SPINT2: variants seen among roughly 807,000 people sequenced by gnomAD.
SPINT2 encodes kunitz-type protease inhibitor 2.
In SPINT2, 18 loss-of-function variants were observed where a neutral mutation model predicts 30.1. The observed-to-expected ratio is 0.60, with a 90% CI of 0.41 to 0.89. The LOEUF (loss-of-function observed/expected upper bound fraction) is 0.89. Among genes scored for constraint, SPINT2 ranks in the 40% least tolerant of loss-of-function variants. The probability of loss-of-function intolerance (pLI) is 0.00; values close to 1 mark genes in which losing one functional copy is unlikely to be tolerated. For synonymous variants in SPINT2, 139 were observed against 137.9 expected, an observed-to-expected ratio of 1.01 and a Z score of -0.05; for missense variants, 276 against 334.3, an observed-to-expected ratio of 0.83 and a Z score of 1.36.
rs1452885367 is a variant in SPINT2 at position 38,283,619 on chromosome 19, C to T, written c.107-8C>T. On this transcript the variant is annotated splice_polypyrimidine_tract_variant and splice_region_variant and intron_variant, in intron 1 of 6. Transcript: ENST00000301244. ...GCCAAGCTAACCGGGTTGTGCTTCG[C>T]GTTTCAGACTTCTGCCTGGTGTCGA... 11 of 1,613,834 alleles carry T rather than the reference C, an allele frequency of 6.8e-6. No individual in the cohort carries two copies. Among genetic ancestry groups the T allele is most frequent in the South Asian group, 2.2e-5 (2 of 91,080 alleles).
At chr19:38,283,471 G>A (rs556129746) in intron 1 of SPINT2, among the ~76,000 whole-genome samples, 156 bp from the exon 2 acceptor site, 20 of 152,284 alleles carry the variant, frequency 1.3e-4, no homozygotes, top group Middle Eastern at 3.4e-3. Context: ...GCACTGAGTG[G>A]GCCTGTTGAC....
intron 4 of SPINT2, chr19:38,289,501 A>AC (rs1210007910): frequency 1.2e-4 from 29 of 239,640 alleles, no homozygotes; most frequent in African/African-American, 6.7e-4. Context: ...AAAAAAAAAA[A>AC]AAAAAAAAAA....
At chr19:38,289,383 C>T (rs896092222) in intron 4 of SPINT2, 192 bp downstream of exon 4, 1 of 463,838 alleles carries the variant, frequency 2.2e-6, no homozygotes, top group Admixed American at 2.8e-5. Flanking sequence ...ACTCAGGAGA[C>T]TGAGGCAGGA....
At chr19:38,285,827 G>T (rs1968634392) in intron 2 of SPINT2, among the ~76,000 whole-genome samples, 1 of 152,098 alleles carries the variant, frequency 6.6e-6, no homozygotes, top group South Asian at 2.1e-4. Context: ...AGGAGGACTT[G>T]GGAGAACTAT....
chr19:38,286,430 G>A (rs952495699), intron 2 of SPINT2, among the ~76,000 whole-genome samples: 3 of 152,202 alleles, frequency 2.0e-5, no homozygotes, highest in African/African-American at 7.2e-5. Flanking sequence ...CCGAGGATGC[G>A]GAGGAGCCAG....
chr19:38,276,535 G>C (rs541160081), intron 1 of SPINT2, among the ~76,000 whole-genome samples: 3 of 151,928 alleles, frequency 2.0e-5, no homozygotes, highest in Non-Finnish European at 4.4e-5. Context: ...CCAGCTACTC[G>C]GGAGGCTGAG....
intron 1 of SPINT2, among the ~76,000 whole-genome samples, chr19:38,280,968 C>T (rs1968574514): frequency 6.6e-6 from 1 of 152,198 alleles, no homozygotes; most frequent in South Asian, 2.1e-4. Context: ...CTCACTGTGG[C>T]AGGGCGGCGG....
intron 2 of SPINT2, among the ~76,000 whole-genome samples, chr19:38,286,393 G>C (rs913939607): frequency 6.6e-6 from 1 of 152,220 alleles, no homozygotes; most frequent in Non-Finnish European, 1.5e-5. Context: ...CAAGGTGACC[G>C]TTTAATAGCA....
At chr19:38,281,267 A>T (rs996152884) in intron 1 of SPINT2, among the ~76,000 whole-genome samples, 3 of 151,320 alleles carry the variant, frequency 2.0e-5, no homozygotes, top group African/African-American at 4.9e-5. Flanking sequence ...GCCCCTATTT[A>T]AAAAAAAAAT....
rs1968356830 is a variant in SPINT2 at position 38,264,826 on chromosome 19, T to A, written c.-67T>A. ...CCATTGCGCGTGCGCGTTGAGGGGC[T>A]TCCCGCACCTGATCGCGAGACCCCA... On this transcript the variant is annotated 5_prime_UTR_variant, in exon 1 of 7. Transcript: ENST00000301244. 6.7e-7 allele frequency: 1 copy of A among 1,484,740 alleles called. No homozygotes were observed. Among genetic ancestry groups the A allele is most frequent in the Non-Finnish European group, 9.1e-7 (1 of 1,104,576 alleles). The allele number at this position is 1,484,740 out of a possible 1,614,324, so 92.0% of individuals were successfully genotyped here.
At chr19:38,269,628 A>T (rs1470321872) in intron 1 of SPINT2, among the ~76,000 whole-genome samples, 16 of 79,040 alleles carry the variant, frequency 2.0e-4, no homozygotes, top group Admixed American at 6.4e-4. Flanking sequence ...TTTTTTTTTG[A>T]GACGGAGTGT....
intron 1 of SPINT2, among the ~76,000 whole-genome samples, chr19:38,282,069 A>C (rs146048661): frequency 1.3e-5 from 2 of 152,096 alleles, no homozygotes; most frequent in African/African-American, 4.8e-5. Context: ...CCTGTGATCT[A>C]TTGTGTGGGT....
At chr19:38,265,620 G>A (rs1040995721) in intron 1 of SPINT2, 4 of 152,384 alleles carry the variant, frequency 2.6e-5, no homozygotes, top group Admixed American at 6.5e-5. Flanking sequence ...TCTTTGGATT[G>A]GCCCTTAGAA....
intron 2 of SPINT2, 95 bp from the exon 3 acceptor site, chr19:38,287,781 T>C (rs1968660121): frequency 7.6e-7 from 1 of 1,320,260 alleles, no homozygotes; most frequent in South Asian, 1.2e-5. Context: ...GAGAAGTGGA[T>C]GCTGTGGTGA....
At chr19:38,275,908 G>A (rs1043731413) in intron 1 of SPINT2, among the ~76,000 whole-genome samples, 2 of 150,156 alleles carry the variant, frequency 1.3e-5, no homozygotes, top group African/African-American at 4.9e-5. Flanking sequence ...TGTATTTTTA[G>A]TACAGACGGG....
At chr19:38,269,243 G>A (rs563694328) in intron 1 of SPINT2, among the ~76,000 whole-genome samples, 5 of 151,398 alleles carry the variant, frequency 3.3e-5, no homozygotes, top group Middle Eastern at 3.4e-3. Context: ...GACTACAGGC[G>A]CCCGCCACCA....
At chr19:38,265,829 C>T (rs756517514) in intron 1 of SPINT2, among the ~76,000 whole-genome samples, 2 of 152,192 alleles carry the variant, frequency 1.3e-5, no homozygotes, top group Non-Finnish European at 2.9e-5. Flanking sequence ...GGCACTGGCG[C>T]TGGTTATAAC....
intron 1 of SPINT2, among the ~76,000 whole-genome samples, chr19:38,268,258 C>T (rs1243920944): frequency 3.9e-5 from 6 of 152,010 alleles, no homozygotes; most frequent in Admixed American, 1.3e-4. Context: ...TGTCCTGACT[C>T]CAACCTCTGC....
chr19:38,267,639 T>C (rs561272343), intron 1 of SPINT2, among the ~76,000 whole-genome samples: 11 of 134,350 alleles, frequency 8.2e-5, no homozygotes, highest in African/African-American at 2.7e-4. Context: ...GGTGTGACCC[T>C]GAGAGGAAGC....
Sources: allele counts gnomAD v4.1 joint callset (sites outside exome capture counted in the v4.1 genomes callset), GRCh38; gene constraint gnomAD v4.1.1; transcripts MANE v1.5; gene names NCBI Gene and HGNC (gene_info 2026-07-23, HGNC 2026-07-21).